The following CLEC2A variants were observed in gnomAD, a reference collection of about 807,000 sequenced individuals.
The protein encoded by CLEC2A is C-type lectin domain family 2 member A.
CLEC2A carries 19 observed loss-of-function variants against 18.6 expected under a neutral mutation model. The ratio of observed to expected loss-of-function variants is 1.02; its 90% CI spans 0.71 to 1.50. The LOEUF (loss-of-function observed/expected upper bound fraction) is 1.50. CLEC2A is among the 40% of genes most tolerant of loss of function. The pLI, the probability that CLEC2A is intolerant of heterozygous loss-of-function variation, is 0.00. For missense variants in CLEC2A, 190 were observed against 207.9 expected, an observed-to-expected ratio of 0.91 and a Z score of 0.53; for synonymous variants, 74 against 64.0, an observed-to-expected ratio of 1.16 and a Z score of -0.75.
At chr12:9,921,940 G>T in intron 3 of CLEC2A, 126 bp downstream of exon 3, 2 of 776,004 alleles carry the variant, frequency 2.6e-6, no homozygotes, top group South Asian at 2.7e-5. Context: ...AGGTATAAGT[G>T]AACCCACACA....
chr12:9,922,014 G>A (rs780065500), intron 3 of CLEC2A, 52 bp downstream of exon 3: 14 of 1,389,720 alleles, frequency 1.0e-5, no homozygotes, highest in Non-Finnish European at 1.4e-5. Flanking sequence ...GTTTTATTAT[G>A]TTTTTATACA....
chr12:9,890,548 A>G, the CLEC2A span, among the ~76,000 whole-genome samples: 5 of 152,272 alleles, frequency 3.3e-5, no homozygotes, highest in Admixed American at 2.6e-4. Flanking sequence ...TCACTCTTGT[A>G]CACCCTCCCG....
intron 3 of CLEC2A, among the ~76,000 whole-genome samples, chr12:9,920,153 C>G (rs569345837): frequency 2.5e-4 from 38 of 152,316 alleles, no homozygotes; most frequent in African/African-American, 8.9e-4. Flanking sequence ...TGGGTCCTAT[C>G]CTGTGAGATG....
At chr12:9,902,269 T>C (rs1862841163) in intron 4 of CLEC2A, among the ~76,000 whole-genome samples, 1 of 150,840 alleles carries the variant, frequency 6.6e-6, no homozygotes, top group African/African-American at 2.5e-5. Context: ...AGTCTTACTC[T>C]GTCGCCCAGG....
chr12:9,883,739 T>C, the CLEC2A span, among the ~76,000 whole-genome samples: 2 of 152,168 alleles, frequency 1.3e-5, no homozygotes, highest in African/African-American at 4.8e-5. Context: ...TACAGACAAT[T>C]GAGTAGCAAA....
At chr12:9,891,213 G>A in the CLEC2A span, among the ~76,000 whole-genome samples, 6 of 152,114 alleles carry the variant, frequency 3.9e-5, no homozygotes, top group South Asian at 2.1e-4. Context: ...CCTGGCCCAC[G>A]ACAATGGCTA....
At chr12:9,895,940 A>G (rs1862751479), downstream of CLEC2A, 6 of 1,061,444 alleles carry the variant, frequency 5.7e-6, no homozygotes, top group Non-Finnish European at 7.6e-6. Flanking sequence ...GCTAACAGAC[A>G]TCATCTAAAT....
At chr12:9,929,132 C>T (rs1416067392) in intron 1 of CLEC2A, among the ~76,000 whole-genome samples, 2 of 152,058 alleles carry the variant, frequency 1.3e-5, no homozygotes, top group East Asian at 1.9e-4. Context: ...CCCTCTTGAA[C>T]TCTGGTATTA....
chr12:9,889,434 G>T, the CLEC2A span, among the ~76,000 whole-genome samples: 3 of 152,060 alleles, frequency 2.0e-5, no homozygotes, highest in African/African-American at 7.2e-5. Context: ...AAAGTGGGTG[G>T]ATCTTATCCA....
chr12:9,888,639 T>G, the CLEC2A span: 14 of 666,078 alleles, frequency 2.1e-5, no homozygotes, highest in Non-Finnish European at 3.6e-5. Flanking sequence ...TTTATTAGTA[T>G]GCCTTCATTT....
At position 9,923,174 on chromosome 12, in the gene CLEC2A, A is replaced by G. The variant is rs1215044909; in HGVS notation, c.140-942T>C. Reference sequence around the variant, plus strand: ...CCCCGCATGCATTAGGTATTTTGCAATCTATCCATTTGACAAAGGACTAAT... The same window carrying G: ...CCCCGCATGCATTAGGTATTTTGCAGTCTATCCATTTGACAAAGGACTAAT... On this transcript the variant is annotated intron_variant, in intron 2 of 4. Coordinates refer to ENST00000455827, the MANE Select transcript of CLEC2A (RefSeq NM_001130711.2). Among the ~76,000 whole-genome samples the G allele has an allele frequency of 2.6e-5, 4 of 152,322 alleles. No homozygotes were observed. The South Asian group carries it at 6.2e-4, about 24-fold the overall frequency.
chr12:9,913,300 G>A lies in CLEC2A; in HGVS notation c.*266C>T. ...AATCACCAGTGTGATGGTATTAGGG[G>A]ATGGAGCCATCCATCAGGAGGTGAT... On this transcript the variant is annotated 3_prime_UTR_variant, in exon 5 of 5. Coordinates refer to ENST00000455827, the MANE Select transcript of CLEC2A (RefSeq NM_001130711.2). 2.5e-6 allele frequency: 1 copy of A among 403,844 alleles called. No individual in the cohort carries two copies. Among genetic ancestry groups the A allele is most frequent in the Non-Finnish European group, 4.1e-6 (1 of 245,634 alleles). 25.0% of individuals were successfully genotyped at this position (403,844 alleles called of 1,614,324 possible). A position where few individuals can be genotyped will look rare whatever the true frequency, so the allele number is the denominator to read the frequency against.
chr12:9,927,891 C>G (rs534913838), intron 1 of CLEC2A, among the ~76,000 whole-genome samples: 35 of 151,490 alleles, frequency 2.3e-4, no homozygotes, highest in Non-Finnish European at 4.0e-4. Flanking sequence ...AGATAAAAAC[C>G]ACTGCACAAA....
intron 3 of CLEC2A, among the ~76,000 whole-genome samples, chr12:9,918,824 G>A (rs1402949919): frequency 2.0e-5 from 3 of 152,128 alleles, no homozygotes; most frequent in Non-Finnish European, 4.4e-5. Context: ...TCTGCAGTGG[G>A]TGTCAATTTA....
the CLEC2A span, among the ~76,000 whole-genome samples, chr12:9,887,490 T>C: frequency 1.3e-5 from 2 of 152,152 alleles, no homozygotes; most frequent in African/African-American, 4.8e-5. Context: ...ACAAGAGTAA[T>C]CAAGTAAATA....
chr12:9,931,680 T>C (rs1431010645), intron 1 of CLEC2A, among the ~76,000 whole-genome samples: 1 of 152,256 alleles, frequency 6.6e-6, no homozygotes. Context: ...TTTTACTTTT[T>C]ATCTCTTCAC....
intron 4 of CLEC2A, among the ~76,000 whole-genome samples, chr12:9,902,084 T>C (rs1862837135): frequency 6.6e-6 from 1 of 152,212 alleles, no homozygotes; most frequent in Non-Finnish European, 1.5e-5. Flanking sequence ...TTATAACCTT[T>C]TGCAAACAAA....
At chr12:9,891,202 G>C in the CLEC2A span, among the ~76,000 whole-genome samples, 1 of 152,130 alleles carries the variant, frequency 6.6e-6, no homozygotes, top group East Asian at 1.9e-4. Flanking sequence ...TTAGAAACCT[G>C]CCTGGCCCAC....
chr12:9,892,620 T>G, the CLEC2A span, among the ~76,000 whole-genome samples: 1 of 149,514 alleles, frequency 6.7e-6, no homozygotes, highest in Non-Finnish European at 1.5e-5. Flanking sequence ...GTTTCGCTCT[T>G]GTTGCCCAGG....
Sources: allele counts gnomAD v4.1 joint callset (sites outside exome capture counted in the v4.1 genomes callset), GRCh38; gene constraint gnomAD v4.1.1; transcripts MANE v1.5; gene names NCBI Gene and HGNC (gene_info 2026-07-23, HGNC 2026-07-21).